The following ADGRB1 variants were observed in gnomAD, a reference collection of about 807,000 sequenced individuals.
The protein encoded by ADGRB1 is adhesion G protein-coupled receptor B1.
In ADGRB1, 36 loss-of-function variants were observed where a neutral mutation model predicts 175.7. The observed-to-expected ratio is 0.20, with a 90% CI of 0.16 to 0.27. The LOEUF is 0.27. Ranked by LOEUF, ADGRB1 falls within the 10% of genes least tolerant of loss-of-function variation. ADGRB1 has a pLI of 1.00. For synonymous variants in ADGRB1, 1,054 were observed against 979.4 expected (o/e 1.08, Z -1.42); for missense variants, 1,731 against 2,255.3 (o/e 0.77, Z 4.71).
intron 17 of ADGRB1, among the ~76,000 whole-genome samples, chr8:142,506,095 G>C (rs1842837709): frequency 6.6e-6 from 1 of 152,206 alleles, no homozygotes; most frequent in Non-Finnish European, 1.5e-5. Flanking sequence ...GCAGCGTGCT[G>C]ACTGAGCACC....
In ADGRB1 at chr8:142,542,902, G is replaced by A. The variant is rs1845366714; in HGVS notation, c.4413+255G>A. Among the ~76,000 whole-genome samples, 1 of 152,194 alleles carries A rather than the reference G, an allele frequency of 6.6e-6. No individual in the cohort carries two copies. Among genetic ancestry groups the A allele is most frequent in the African/African-American group, 2.4e-5 (1 of 41,450 alleles). ...CCCACAGTCTGGACCCACGGAGCAG[G>A]ACCTGCACCTCGCACAGTCGCTAGT... On this transcript the variant is annotated intron_variant, in intron 28 of 30. Transcript: ENST00000517894. The surrounding 1 kb of genome is among the most constrained non-coding windows in gnomAD (Gnocchi z 6.3).
At chr8:142,521,500 A>C (rs1310166637) in intron 20 of ADGRB1, among the ~76,000 whole-genome samples, 3 of 152,232 alleles carry the variant, frequency 2.0e-5, no homozygotes, top group African/African-American at 4.8e-5. Context: ...GAGAAAATAA[A>C]GCAAGAGGGC....
intron 22 of ADGRB1, 121 bp downstream of exon 22, chr8:142,522,831 G>A: frequency 8.5e-7 from 1 of 1,172,692 alleles, no homozygotes. Flanking sequence ...TCTCACAGAG[G>A]CTCAGGGAGG....
In ADGRB1 at chr8:142,469,637, G is replaced by GTGTGTATA. The variant is rs541854668; in HGVS notation, c.784+4657_784+4658insTGTATATG. Among the ~76,000 whole-genome samples the GTGTGTATA allele has an allele frequency of 2.1e-3, 276 of 132,962 alleles. 4 individuals carry two copies. Among genetic ancestry groups the GTGTGTATA allele is most frequent in the African/African-American group, 7.8e-3 (266 of 34,126 alleles). 87.2% of individuals were successfully genotyped at this position (132,962 alleles called of 152,430 possible). ...TGTGTATGCACGTGCATGTGTGTATGTGCACGTGCGTGTGAACGCAAGTGC... is the reference window on the plus strand; with the variant it reads ...TGTGTATGCACGTGCATGTGTGTATGTGTGTATATGCACGTGCGTGTGAACGCAAGTGC... On this transcript the variant is annotated intron_variant, in intron 2 of 30. Coordinates refer to ENST00000517894, the MANE Select transcript of ADGRB1 (RefSeq NM_001702.3).
intron 2 of ADGRB1, among the ~76,000 whole-genome samples, chr8:142,468,678 C>T (rs962546632): frequency 3.9e-5 from 6 of 152,356 alleles, no homozygotes; most frequent in East Asian, 3.9e-4. Context: ...GAAGTCTTCC[C>T]TAGAGACCCG....
At position 142,543,270 on chromosome 8, in the gene ADGRB1, C is replaced by G; in HGVS notation, c.4414-133C>G. 1.7e-6 allele frequency: 2 copies of G among 1,203,874 alleles called. No homozygotes were observed. The highest frequency in any genetic ancestry group is 2.4e-6 in the Non-Finnish European group (2 of 843,592). 74.6% of individuals were successfully genotyped at this position (1,203,874 alleles called of 1,614,324 possible). ...GCCTCAGTGCGCCCCCAGGCATGTCCCCTGGGTCTGGCCTGGTCCCTGAAG... is the reference window on the plus strand; with the variant it reads ...GCCTCAGTGCGCCCCCAGGCATGTCGCCTGGGTCTGGCCTGGTCCCTGAAG... On this transcript the variant is annotated intron_variant, in intron 28 of 30. Transcript: ENST00000517894. The surrounding 1 kb of genome is among the most constrained non-coding windows in gnomAD (Gnocchi z 4.4).
At chr8:142,522,494 T>G in intron 21 of ADGRB1, 147 bp from the exon 22 acceptor site, 1 of 796,480 alleles carries the variant, frequency 1.3e-6, no homozygotes, top group Non-Finnish European at 1.9e-6. Flanking sequence ...GTTCACCTCC[T>G]GCCCCATCTC....
At chr8:142,540,600 G>A (rs1845212414) in intron 27 of ADGRB1, among the ~76,000 whole-genome samples, 1 of 152,212 alleles carries the variant, frequency 6.6e-6, no homozygotes, top group Admixed American at 6.5e-5. Flanking sequence ...GTGCCCCAAG[G>A]TGGGTACATG....
intron 17 of ADGRB1, among the ~76,000 whole-genome samples, chr8:142,500,120 C>T (rs1425549284): frequency 6.6e-6 from 1 of 152,078 alleles, no homozygotes; most frequent in African/African-American, 2.4e-5. Context: ...CAATGCAAGA[C>T]GCCAGTCCCA....
intron 24 of ADGRB1, among the ~76,000 whole-genome samples, chr8:142,529,430 G>T (rs1482993950): frequency 1.3e-5 from 2 of 152,094 alleles, no homozygotes; most frequent in Non-Finnish European, 2.9e-5. Flanking sequence ...TACCCCCTTG[G>T]GTGTGCTCTC....
chr8:142,471,986 G>C (rs963376641), intron 2 of ADGRB1, among the ~76,000 whole-genome samples: 1 of 152,238 alleles, frequency 6.6e-6, no homozygotes, highest in Non-Finnish European at 1.5e-5. Flanking sequence ...CGGACACGCT[G>C]TGGGTGCCTG....
At chr8:142,521,036 G>C (rs1310954360) in intron 20 of ADGRB1, 111 bp downstream of exon 20, 1 of 1,073,214 alleles carries the variant, frequency 9.3e-7, no homozygotes, top group Non-Finnish European at 1.3e-6. Flanking sequence ...GCAGGCGGGT[G>C]TGGGGGCAGG....
chr8:142,469,646 CGTGTGAACGCAAGTGCGTGT>C (rs1304139448), intron 2 of ADGRB1, among the ~76,000 whole-genome samples: 1 of 128,574 alleles, frequency 7.8e-6, no homozygotes, highest in African/African-American at 3.1e-5. Context: ...TGTGCACGTG[CGTGTGAACGCAAGTGCGTGT>C]GTGTGCACGT....
intron 25 of ADGRB1, among the ~76,000 whole-genome samples, chr8:142,534,768 G>A (rs894495208): frequency 2.0e-5 from 3 of 152,212 alleles, no homozygotes; most frequent in African/African-American, 7.2e-5. Context: ...AGAAACCTCA[G>A]TGGCCCCTTC....
rs1490998115 is a variant in ADGRB1 at position 142,542,786 on chromosome 8, G to A, written c.4413+139G>A. The A allele has an allele frequency of 1.3e-5, 10 of 781,034 alleles. No individual in the cohort carries two copies. The highest frequency in any genetic ancestry group is 1.9e-5 in the Non-Finnish European group (10 of 514,956). 48.4% of individuals were successfully genotyped at this position (781,034 alleles called of 1,614,324 possible). Reference sequence around the variant, plus strand: ...CTCCTAGCTACACCCCCCACCCCTGGCCCTGCTGGGTGTGCTGTGTATGTC... The same window carrying A: ...CTCCTAGCTACACCCCCCACCCCTGACCCTGCTGGGTGTGCTGTGTATGTC... On this transcript the variant is annotated intron_variant, in intron 28 of 30. Transcript: ENST00000517894. The surrounding 1 kb of genome is among the most constrained non-coding windows in gnomAD (Gnocchi z 6.3).
chr8:142,522,555 C>T, intron 21 of ADGRB1, 86 bp from the exon 22 acceptor site: 1 of 1,348,246 alleles, frequency 7.4e-7, no homozygotes, highest in Non-Finnish European at 1.0e-6. Context: ...TGCCTGGCCC[C>T]CGCCCTTCAC....
At chr8:142,513,818 C>T (rs1006601102) in intron 18 of ADGRB1, among the ~76,000 whole-genome samples, 3 of 151,938 alleles carry the variant, frequency 2.0e-5, no homozygotes, top group Non-Finnish European at 2.9e-5. Flanking sequence ...CATGAAGCTG[C>T]GGGGAAGTGG....
intron 17 of ADGRB1, among the ~76,000 whole-genome samples, chr8:142,498,344 C>G (rs905157846): frequency 1.3e-5 from 2 of 152,170 alleles, no homozygotes; most frequent in Admixed American, 1.3e-4. Context: ...GAGTGTGCCC[C>G]GTGTTAACAG....
intron 6 of ADGRB1, 25 bp downstream of exon 6, chr8:142,477,574 G>A (rs759461567): frequency 1.9e-6 from 3 of 1,601,772 alleles, no homozygotes; most frequent in Non-Finnish European, 2.6e-6. Context: ...GGGCGTAGGG[G>A]CAGGGAGGAA....
Sources: gnomAD v4.1 joint callset for allele counts (sites outside exome capture counted in the v4.1 genomes callset) on GRCh38, gnomAD v4.1.1 for gene constraint, Gnocchi (gnomAD v3.1) non-coding constraint, MANE v1.5 for transcripts, NCBI Gene and HGNC (gene_info 2026-07-23, HGNC 2026-07-21) for gene names.